SDK1: variants seen among roughly 807,000 people sequenced by gnomAD.
The protein encoded by SDK1 is sidekick cell adhesion molecule 1.
A neutral mutation model predicts 245.5 loss-of-function variants in SDK1; 157 were observed. The observed-to-expected ratio is 0.64, with a 90% CI of 0.56 to 0.73. SDK1 has a LOEUF of 0.73. Ranked by LOEUF, SDK1 falls within the 30% of genes least tolerant of loss-of-function variation. SDK1 has a pLI of 0.00. For missense variants in SDK1, 3,583 were observed against 3,002.3 expected (o/e 1.19, Z -4.52); for synonymous variants, 1,647 against 1,278.5 (o/e 1.29, Z -6.15).
rs377228621 is a variant in SDK1 at position 3,642,009 on chromosome 7, G to T, written c.617G>T (p.Arg206Leu). 1 of 1,613,908 alleles carries T rather than the reference G, an allele frequency of 6.2e-7. No homozygotes were observed. The highest frequency in any genetic ancestry group is 1.7e-5 in the Admixed American group (1 of 60,020). Residue 206 changes from arginine (R) to leucine (L), a missense_variant, in exon 4 of 45, where the codon CGT becomes CTT. By Grantham distance (102) the Arg-to-Leu change is moderately radical. Transcript: ENST00000404826. ...TDQRKTVSQG[R>L]AAILNLLPIT... is the part of the protein sequence containing the mutation. ...CAGAGGAAAACAGTTTCTCAAGGAC[G>T]TGCAGCGATTCTAAACCTGCTGCCC...
chr7:3,609,900 C>T (rs187206803), intron 1 of SDK1, among the ~76,000 whole-genome samples: 60 of 150,558 alleles, frequency 4.0e-4, no homozygotes, highest in African/African-American at 8.8e-4. Context: ...GGGGTCTTGC[C>T]GTGTTGGCCA....
chr7:4,185,834 A>G (rs1051100057), intron 35 of SDK1, among the ~76,000 whole-genome samples: 2 of 133,600 alleles, frequency 1.5e-5, no homozygotes, highest in Non-Finnish European at 3.2e-5. Flanking sequence ...AGAGAAACAC[A>G]TTTAGACAGG....
At chr7:3,322,359 C>T (rs995947498) in intron 1 of SDK1, among the ~76,000 whole-genome samples, 1 of 152,154 alleles carries the variant, frequency 6.6e-6, no homozygotes, top group Non-Finnish European at 1.5e-5. Context: ...TATGTATGTG[C>T]CACAGTTTGT....
chr7:3,490,930 G>C (rs938881398), intron 1 of SDK1, among the ~76,000 whole-genome samples: 1 of 152,190 alleles, frequency 6.6e-6, no homozygotes, highest in Non-Finnish European at 1.5e-5. Context: ...ACTAGTTTCT[G>C]TTAGGCATTC....
intron 1 of SDK1, among the ~76,000 whole-genome samples, chr7:3,403,642 C>T (rs1024735450): frequency 1.3e-4 from 19 of 151,148 alleles, no homozygotes; most frequent in African/African-American, 4.1e-4. Flanking sequence ...GATATGGAGA[C>T]TCAGTATCCT....
intron 1 of SDK1, among the ~76,000 whole-genome samples, chr7:3,423,515 G>A (rs971677189): frequency 6.6e-6 from 1 of 151,322 alleles, no homozygotes; most frequent in Admixed American, 6.6e-5. Flanking sequence ...ACAAATTCGG[G>A]AATGAGAGGT....
chr7:3,487,292 A>G (rs1409390932), intron 1 of SDK1, among the ~76,000 whole-genome samples: 1 of 152,070 alleles, frequency 6.6e-6, no homozygotes, highest in Non-Finnish European at 1.5e-5. Context: ...ATACAACTTT[A>G]CCCATTATTT....
intron 1 of SDK1, among the ~76,000 whole-genome samples, chr7:3,381,566 C>G (rs796164880): frequency 2.6e-5 from 4 of 152,164 alleles, no homozygotes; most frequent in African/African-American, 9.6e-5. Context: ...GTTTTAAAGG[C>G]TGGCGATACT....
intron 19 of SDK1, among the ~76,000 whole-genome samples, chr7:4,060,485 G>T (rs1333678468): frequency 6.6e-6 from 1 of 152,010 alleles, no homozygotes; most frequent in African/African-American, 2.4e-5. Flanking sequence ...TTTTGATGGG[G>T]TTGTTTGTTT....
chr7:3,467,023 CACACACAG>C (rs1252999765), intron 1 of SDK1, among the ~76,000 whole-genome samples: 1 of 147,196 alleles, frequency 6.8e-6, no homozygotes, highest in Non-Finnish European at 1.5e-5. Context: ...CACACACACA[CACACACAG>C]AGATGTAAAA....
At chr7:4,145,591 C>T in intron 28 of SDK1, 131 bp from the exon 29 acceptor site, 4 of 772,640 alleles carry the variant, frequency 5.2e-6, no homozygotes. Flanking sequence ...TTTCAGTGCA[C>T]AGGCAGTGAC....
chr7:3,355,558 C>G (rs928500100), intron 1 of SDK1, among the ~76,000 whole-genome samples: 3 of 152,104 alleles, frequency 2.0e-5, no homozygotes, highest in African/African-American at 7.2e-5. Flanking sequence ...TTTGCATCAC[C>G]TTCTTAGATC....
chr7:3,812,993 G>T (rs79318076), intron 4 of SDK1, among the ~76,000 whole-genome samples: 8,896 of 152,272 alleles, frequency 0.058, 366 homozygotes, highest in Non-Finnish European at 0.085. Context: ...ATGGTCAGCA[G>T]CAAGTGTTTG....
intron 1 of SDK1, among the ~76,000 whole-genome samples, chr7:3,616,085 A>C (rs1007510408): frequency 2.6e-5 from 4 of 152,042 alleles, no homozygotes; most frequent in Non-Finnish European, 5.9e-5. Context: ...ATGGGGTCTC[A>C]CTGTGTTGTC....
chr7:3,987,370 G>A, intron 14 of SDK1, 48 bp downstream of exon 14: 1 of 1,596,860 alleles, frequency 6.3e-7, no homozygotes, highest in South Asian at 1.1e-5. Context: ...TCAGATTTTT[G>A]TGTGTGCTCT....
intron 1 of SDK1, among the ~76,000 whole-genome samples, chr7:3,603,994 G>T (rs1302309147): frequency 2.0e-5 from 3 of 152,130 alleles, no homozygotes; most frequent in South Asian, 2.1e-4. Flanking sequence ...TTATTGATTT[G>T]CGTATGTTGA....
chr7:3,743,597 A>C (rs1195153714), intron 4 of SDK1, among the ~76,000 whole-genome samples: 2 of 152,256 alleles, frequency 1.3e-5, no homozygotes, highest in Non-Finnish European at 2.9e-5. Context: ...CTAGTACCAC[A>C]AAATAACTTC....
chr7:3,623,596 C>G lies in SDK1; in HGVS notation c.458+4357C>G, dbSNP rs181723304. On this transcript the variant is annotated intron_variant, in intron 2 of 44. Coordinates refer to ENST00000404826, the MANE Select transcript of SDK1 (RefSeq NM_152744.4). ...GTCTACATTTTGGTGGCACAGGTGA[C>G]TACATTAGCAAGTTGACGGTAATTC... is the stretch of plus-strand genomic sequence containing the variant. 1.2e-4 allele frequency among the ~76,000 whole-genome samples: 18 copies of G among 152,154 alleles called. No individual in the cohort carries two copies. The East Asian group carries it at 3.5e-3, about 29-fold the overall frequency.
At chr7:3,519,870 A>T (rs577301991) in intron 1 of SDK1, among the ~76,000 whole-genome samples, 4 of 152,306 alleles carry the variant, frequency 2.6e-5, no homozygotes, top group African/African-American at 9.6e-5. Context: ...GGATGTTAGT[A>T]TACATATATT....
Sources: allele counts gnomAD v4.1 joint callset (sites outside exome capture counted in the v4.1 genomes callset), GRCh38; gene constraint gnomAD v4.1.1; transcripts MANE v1.5; gene names NCBI Gene and HGNC (gene_info 2026-07-23, HGNC 2026-07-21).